Variants in SMYD1 observed in about 807,000 individuals in gnomAD.
SMYD1 encodes SET and MYND domain containing 1.
In SMYD1, 49 loss-of-function variants were observed where a neutral mutation model predicts 54.0. That is an observed-to-expected ratio of 0.91 (90% CI 0.72 to 1.15). The LOEUF is 1.15. Among genes scored for constraint, SMYD1 ranks in the 50% most tolerant of loss-of-function variants. SMYD1 has a pLI of 0.00. For synonymous variants in SMYD1, 269 were observed against 234.2 expected, an observed-to-expected ratio of 1.15 and a Z score of -1.36; for missense variants, 653 against 639.6, an observed-to-expected ratio of 1.02 and a Z score of -0.23.
rs550299409 is a variant in SMYD1 at position 88,096,791 on chromosome 2, A to T, written c.888+7A>T. On this transcript the variant is annotated splice_region_variant and intron_variant, in intron 6 of 9. Transcript: ENST00000419482. ...GGTGAAAGACAACCCCAAGGTACAC[A>T]CAGCCCTGCTGCTGAGGTGTTTGTG... 1.1e-5 allele frequency: 17 copies of T among 1,610,488 alleles called. No homozygotes were observed. The Admixed American group carries it at 2.9e-4, about 27-fold the overall frequency.
intron 1 of SMYD1, among the ~76,000 whole-genome samples, chr2:88,073,456 T>G (rs1044102807): frequency 6.6e-6 from 1 of 152,316 alleles, no homozygotes; most frequent in Middle Eastern, 3.4e-3. Flanking sequence ...GAATGGTAAT[T>G]CTAGTTTTAG....
In SMYD1 at chr2:88,093,549, AGAT is replaced by A; in HGVS notation, c.695_697del (p.Met232del). Reference sequence around the variant, plus strand: ...GCAGTGAAATCCATGTTTCATACCCAGATGAGGTGGGTCAGTCCTTTCAAGCAT... The same window carrying A: ...GCAGTGAAATCCATGTTTCATACCCAGAGGTGGGTCAGTCCTTTCAAGCAT... On this transcript the variant is annotated inframe_deletion, in exon 5 of 10. Coordinates refer to ENST00000419482, the MANE Select transcript of SMYD1 (RefSeq NM_198274.4). The A allele has an allele frequency of 6.2e-7, 1 of 1,614,164 alleles. No individual in the cohort carries two copies. The highest frequency in any genetic ancestry group is 8.5e-7 in the Non-Finnish European group (1 of 1,180,030).
At chr2:88,083,472 G>A (rs920499504) in intron 1 of SMYD1, among the ~76,000 whole-genome samples, 3 of 152,058 alleles carry the variant, frequency 2.0e-5, no homozygotes, top group African/African-American at 7.2e-5. Flanking sequence ...CTCACCCATC[G>A]AATGGGCATG....
At chr2:88,100,021 C>A (rs1674685545) in intron 6 of SMYD1, among the ~76,000 whole-genome samples, 1 of 150,880 alleles carries the variant, frequency 6.6e-6, no homozygotes. Context: ...CCCTCAGATC[C>A]CCCACCTCCT....
chr2:88,088,837 C>A (rs1674399120), intron 3 of SMYD1, among the ~76,000 whole-genome samples: 1 of 152,068 alleles, frequency 6.6e-6, no homozygotes, highest in African/African-American at 2.4e-5. Context: ...AGCAACCAAG[C>A]CAGACGAGGC....
chr2:88,078,420 T>C (rs542601695), intron 1 of SMYD1, among the ~76,000 whole-genome samples: 1 of 152,184 alleles, frequency 6.6e-6, no homozygotes, highest in Non-Finnish European at 1.5e-5. Context: ...TATTCCCATT[T>C]TCACATAAGG....
At chr2:88,070,942 CAAAAAAAAAAAA>C (rs61024525) in intron 1 of SMYD1, among the ~76,000 whole-genome samples, 2 of 60,128 alleles carry the variant, frequency 3.3e-5, no homozygotes, top group African/African-American at 1.2e-4. Flanking sequence ...GACTATTTCT[CAAAAAAAAAAAA>C]AAAAAAAAAA....
At chr2:88,092,750 C>T (rs1674491270) in intron 4 of SMYD1, among the ~76,000 whole-genome samples, 1 of 152,250 alleles carries the variant, frequency 6.6e-6, no homozygotes, top group Non-Finnish European at 1.5e-5. Context: ...GTTGACTGAG[C>T]TTGACCTGGT....
chr2:88,076,743 A>T (rs1674075179), intron 1 of SMYD1, among the ~76,000 whole-genome samples: 1 of 152,168 alleles, frequency 6.6e-6, no homozygotes, highest in Admixed American at 6.5e-5. Context: ...CAGCAGGCTT[A>T]CGCCTGTAAT....
chr2:88,076,466 G>A (rs1674066459), intron 1 of SMYD1, among the ~76,000 whole-genome samples: 1 of 151,984 alleles, frequency 6.6e-6, no homozygotes, highest in African/African-American at 2.4e-5. Context: ...TTTGTGATCC[G>A]CCTGCCTCGG....
At chr2:88,081,904 A>C (rs1275199440) in intron 1 of SMYD1, among the ~76,000 whole-genome samples, 3 of 152,208 alleles carry the variant, frequency 2.0e-5, no homozygotes, top group Admixed American at 2.0e-4. Flanking sequence ...GCCAGGAGAC[A>C]AGATTTGGAG....
rs763890832 is a variant in SMYD1, at chr2:88,103,040, T to C, written c.889-18T>C. ...CCTCATGAAGGCATCTCTAGCTCAA[T>C]GTGTCTCTCTTTCCCAGCCCTCTCA... On this transcript the variant is annotated intron_variant, in intron 6 of 9. Coordinates refer to ENST00000419482, the MANE Select transcript of SMYD1 (RefSeq NM_198274.4). The C allele has an allele frequency of 1.9e-6, 3 of 1,610,324 alleles. No homozygotes were observed. The highest frequency in any genetic ancestry group is 4.5e-5 in the East Asian group (2 of 44,850).
At position 88,112,211 on chromosome 2, in the gene SMYD1, C is replaced by G; in HGVS notation, c.*1699C>G. The stretch of plus-strand genomic sequence containing the variant: ...GCTAGTTCAAATTATCACTCTTTTA[C>G]CTTCATATAAAATGTCTCCCCCAAA... On this transcript the variant is annotated 3_prime_UTR_variant, in exon 10 of 10. Transcript: ENST00000419482. The G allele has an allele frequency of 1.4e-6, 1 of 696,726 alleles. No homozygotes were observed. The allele number at this position is 696,726 out of a possible 1,614,324, so 43.2% of individuals were successfully genotyped here.
At position 88,096,571 on chromosome 2, in the gene SMYD1, C is replaced by A. The variant is rs191524431; in HGVS notation, c.699-24C>A. ...TTCCAGTAGGCCTGGATTCGATTCA[C>A]CTTTTCCTTTCACCCTGCTTCAGAA... On this transcript the variant is annotated intron_variant, in intron 5 of 9. Transcript: ENST00000419482. 100 of 1,592,518 alleles carry A rather than the reference C, an allele frequency of 6.3e-5. No homozygotes were observed. In the East Asian group the frequency reaches 2.1e-3, roughly 33 times the overall value.
chr2:88,067,905 C>T lies in SMYD1; in HGVS notation c.41C>T (p.Ala14Val). ...GRMENVEVFT[A>V]EGKGRGLKAT... ...ATGGAGAACGTGGAGGTCTTCACCG[C>T]TGAGGGCAAAGGAAGGGGTCTGAAG... Residue 14 changes from alanine to valine, a missense_variant, in exon 1 of 10, where the codon GCT (alanine) becomes GTT (valine). Transcript: ENST00000419482. The T allele has an allele frequency of 6.2e-7, 1 of 1,614,080 alleles. No individual in the cohort carries two copies. Among genetic ancestry groups the T allele is most frequent in the South Asian group, 1.1e-5 (1 of 91,070 alleles).
rs774933078 is a variant in SMYD1, at chr2:88,096,669, T to C, written c.773T>C (p.Val258Ala). 1.2e-6 allele frequency: 2 copies of C among 1,614,174 alleles called. No homozygotes were observed. Among genetic ancestry groups the C allele is most frequent in the Non-Finnish European group, 1.7e-6 (2 of 1,180,020 alleles). Reference sequence around the variant, plus strand: ...GTGTCCTATATTGACTTCCTCAACGTTAGTGAAGAACGCAAGAGGCAGCTG... The same window carrying C: ...GTGTCCTATATTGACTTCCTCAACGCTAGTGAAGAACGCAAGAGGCAGCTG... ...LTVSYIDFLN[V>A]SEERKRQLKK... The change falls in exon 6 of 10, where the codon GTT becomes GCT. Residue 258 changes from valine to alanine, a missense_variant. Transcript: ENST00000419482.
Position 88,110,384 on chromosome 2 carries a change from C to T in SMYD1, c.1345C>T (p.Arg449Cys), listed in dbSNP as rs534664884. 1.8e-5 allele frequency: 29 copies of T among 1,612,836 alleles called. No homozygotes were observed. The highest frequency in any genetic ancestry group is 1.6e-4 in the East Asian group (7 of 44,862). The change falls in exon 10 of 10, where the codon CGC (arginine) becomes TGC (cysteine). Residue 449 changes from arginine (R) to cysteine (C), a missense_variant. By Grantham distance (180) the Arg-to-Cys change is radical. Transcript: ENST00000419482. ...AMRVQTEMEL[R>C]MFRQNEFMYY... is the part of the protein sequence containing the mutation. ...GCGGGTGCAGACGGAGATGGAGCTA[C>T]GCATGTTCCGCCAGAACGAATTCAT... is the stretch of plus-strand genomic sequence containing the variant.
rs201192137 is a variant in SMYD1 at position 88,087,851 on chromosome 2, C to T, written c.315-11C>T. On this transcript the variant is annotated splice_polypyrimidine_tract_variant and intron_variant, in intron 2 of 9. Transcript: ENST00000419482. ...AGCTGTAGTGGCCTCCTGACGCTGCCCTTCCCACAGGCTGGCGGCGCGCAT... is the reference window on the plus strand; with the variant it reads ...AGCTGTAGTGGCCTCCTGACGCTGCTCTTCCCACAGGCTGGCGGCGCGCAT... 7.2e-5 allele frequency: 112 copies of T among 1,559,942 alleles called. No individual in the cohort carries two copies. In the African/African-American group the frequency reaches 1.3e-3, roughly 17 times the overall value.
chr2:88,108,244 G>T, intron 8 of SMYD1, 127 bp from the exon 9 acceptor site: 1 of 896,982 alleles, frequency 1.1e-6, no homozygotes. Flanking sequence ...GGCGGCTACA[G>T]AAGCCTTGCA....
Sources: allele counts gnomAD v4.1 joint callset (sites outside exome capture counted in the v4.1 genomes callset), GRCh38; gene constraint gnomAD v4.1.1; transcripts MANE v1.5; gene names NCBI Gene and HGNC (gene_info 2026-07-23, HGNC 2026-07-21).